KLHL6: variants seen among roughly 807,000 people sequenced by gnomAD.
KLHL6 encodes kelch-like protein 6.
Under a neutral mutation model 58.6 loss-of-function variants are expected in KLHL6, and 41 were observed. That is an observed-to-expected ratio of 0.70 (90% CI 0.55 to 0.91). KLHL6 has a LOEUF of 0.91. Ranked by LOEUF, KLHL6 falls within the 40% of genes least tolerant of loss-of-function variation. The pLI, the probability that KLHL6 is intolerant of heterozygous loss-of-function variation, is 0.00. For synonymous variants in KLHL6, 338 were observed against 322.7 expected, an observed-to-expected ratio of 1.05 and a Z score of -0.51; for missense variants, 714 against 805.6, an observed-to-expected ratio of 0.89 and a Z score of 1.38.
At position 183,499,406 on chromosome 3, in the gene KLHL6, T is replaced by C. The variant is rs1174384448; in HGVS notation, c.1147+184A>G. On this transcript the variant is annotated intron_variant, in intron 4 of 6. Coordinates refer to ENST00000341319, the MANE Select transcript of KLHL6 (RefSeq NM_130446.4). The surrounding 1 kb of genome is among the most constrained non-coding windows in gnomAD (Gnocchi z 4.6). Reference sequence around the variant, plus strand: ...GTACAATGTTGCTCAGTTTTTTGTTTATTAAGTAGCAATGTACTCTCCAAG... The same window carrying C: ...GTACAATGTTGCTCAGTTTTTTGTTCATTAAGTAGCAATGTACTCTCCAAG... Among the ~76,000 whole-genome samples the C allele has an allele frequency of 3.9e-5, 6 of 152,154 alleles. No homozygotes were observed. The highest frequency in any genetic ancestry group is 8.8e-5 in the Non-Finnish European group (6 of 68,020).
At chr3:183,493,178 G>A in intron 5 of KLHL6, 1 of 185,530 alleles carries the variant, frequency 5.4e-6, no homozygotes, top group Non-Finnish European at 1.1e-5. Flanking sequence ...CCATTATGGG[G>A]CAGCATTGAG....
At chr3:183,542,640 C>G (rs569670792) in intron 1 of KLHL6, among the ~76,000 whole-genome samples, 96 of 152,304 alleles carry the variant, frequency 6.3e-4, no homozygotes, top group Non-Finnish European at 1.2e-3. Context: ...TAGCAAACCT[C>G]TCACAGCCCC....
At position 183,492,138 on chromosome 3, in the gene KLHL6, C is replaced by G; in HGVS notation, c.1655G>C (p.Gly552Ala). Residue 552 changes from glycine (G) to alanine (A), a missense_variant, in exon 7 of 7, where the codon GGT (glycine) becomes GCT (alanine). Gly to Ala is a moderately conservative substitution (Grantham distance 60). This residue lies in a region of KLHL6 where 510 missense variants were observed against 629.7 expected (regional missense o/e 0.81). Transcript: ENST00000341319. The surrounding 1 kb of genome is among the most constrained non-coding windows in gnomAD (Gnocchi z 5.9). ...GAGCCGGTTGTTGCAGGGCGCGATA[C>G]CGCAGCTGGCCCGCTCGTGGCTGAG... Reference protein sequence around the residue: ...TQLSHERASCGIAPCNNRLYI... With the variant: ...TQLSHERASCAIAPCNNRLYI... 1 of 1,613,670 alleles carries G rather than the reference C, an allele frequency of 6.2e-7. No homozygotes were observed. Among genetic ancestry groups the G allele is most frequent in the Non-Finnish European group, 8.5e-7 (1 of 1,180,020 alleles).
chr3:183,491,925 C>A lies in KLHL6; in HGVS notation c.*2G>T. 6.8e-7 allele frequency: 1 copy of A among 1,473,024 alleles called. No homozygotes were observed. The highest frequency in any genetic ancestry group is 9.0e-7 in the Non-Finnish European group (1 of 1,108,076). The allele number at this position is 1,473,024 out of a possible 1,614,324, so 91.2% of individuals were successfully genotyped here. A position where few individuals can be genotyped will look rare whatever the true frequency, so the allele number is the denominator to read the frequency against. ...GGGGCTCTCCAGCTCCCCATCCTGC[C>A]GTCAGACAGACACTGCTCCGGGCAC... On this transcript the variant is annotated 3_prime_UTR_variant, in exon 7 of 7. Transcript: ENST00000341319.
rs575722743 is a variant in KLHL6, at chr3:183,490,262, C to T, written c.*1665G>A. On this transcript the variant is annotated 3_prime_UTR_variant, in exon 7 of 7. Transcript: ENST00000341319. ...CTTCAGGAGGATGGGGTATCAGGAA[C>T]GTGGACCTAAATCACTGTGTAAAAA... 15 of 152,312 alleles carry T rather than the reference C, an allele frequency of 9.8e-5. No individual in the cohort carries two copies. In the East Asian group the frequency reaches 1.5e-3, roughly 16 times the overall value. The allele number at this position is 152,312 out of a possible 1,614,324, so 9.4% of individuals were successfully genotyped here.
At chr3:183,543,152 T>C (rs1341768299) in intron 1 of KLHL6, among the ~76,000 whole-genome samples, 1 of 152,042 alleles carries the variant, frequency 6.6e-6, no homozygotes, top group Non-Finnish European at 1.5e-5. Flanking sequence ...AACTATCTTG[T>C]TGTGTTGACC....
intron 1 of KLHL6, among the ~76,000 whole-genome samples, chr3:183,547,942 AAGCTGAAAATGAGGAGG>A (rs1402931264): frequency 6.6e-6 from 1 of 152,126 alleles, no homozygotes; most frequent in Non-Finnish European, 1.5e-5. Context: ...TAGGCTACAT[AAGCTGAAAATGAGGAGG>A]AAATGTAAAA....
chr3:183,547,078 ATT>A (rs1187059491), intron 1 of KLHL6, among the ~76,000 whole-genome samples: 4 of 152,042 alleles, frequency 2.6e-5, no homozygotes, highest in Admixed American at 1.3e-4. Flanking sequence ...TGCCTGGCTA[ATT>A]TTTATATTTT....
chr3:183,533,927 G>A (rs770605736), intron 1 of KLHL6, among the ~76,000 whole-genome samples: 3 of 151,474 alleles, frequency 2.0e-5, no homozygotes, highest in Admixed American at 1.3e-4. Flanking sequence ...GAATTCCGGG[G>A]CCTCTGTAAA....
chr3:183,491,834 C>CACTT lies in KLHL6; in HGVS notation c.*92_*93insAAGT. The CACTT allele has an allele frequency of 8.4e-7, 1 of 1,191,004 alleles. No individual in the cohort carries two copies. Among genetic ancestry groups the CACTT allele is most frequent in the South Asian group, 2.0e-5 (1 of 50,060 alleles). The allele number at this position is 1,191,004 out of a possible 1,614,324, so 73.8% of individuals were successfully genotyped here. On this transcript the variant is annotated 3_prime_UTR_variant, in exon 7 of 7. Coordinates refer to ENST00000341319, the MANE Select transcript of KLHL6 (RefSeq NM_130446.4). ...ATCCCCTGATGTATGGCCTCAAACT[C>CACTT]GAGCCTGCTGCCTGAAGTGGGACTG...
chr3:183,544,930 G>C (rs1024039700), intron 1 of KLHL6: 1 of 152,208 alleles, frequency 6.6e-6, no homozygotes, highest in Non-Finnish European at 1.5e-5. Flanking sequence ...GTCTTTCCCA[G>C]GGGTTTTTCA....
In KLHL6 at chr3:183,491,996, G is replaced by A; in HGVS notation, c.1797C>T (p.His599=). The change falls in exon 7 of 7, where the codon CAC becomes CAT. Residue 599 remains histidine (H), a synonymous_variant. Coordinates refer to ENST00000341319, the MANE Select transcript of KLHL6 (RefSeq NM_130446.4). ...ACGACTTCCTGATGGTGACGCTGCC[G>A]TGGTGCGACACGCCCCGGGGCAGGA... ...ECVLPRGVSH[H]GSVTIRKSYT... is the part of the protein sequence containing the mutation. 2 of 1,595,178 alleles carry A rather than the reference G, an allele frequency of 1.3e-6. No individual in the cohort carries two copies. Among genetic ancestry groups the A allele is most frequent in the East Asian group, 2.3e-5 (1 of 44,212 alleles).
At chr3:183,534,944 A>ATTTT (rs1443620974) in intron 1 of KLHL6, among the ~76,000 whole-genome samples, 62 of 113,254 alleles carry the variant, frequency 5.5e-4, no homozygotes, top group African/African-American at 2.5e-3. Context: ...ATATATATAT[A>ATTTT]TATATATTTT....
chr3:183,534,073 C>CCTTTAAAAGTA (rs372682165), intron 1 of KLHL6, among the ~76,000 whole-genome samples: 4 of 38,854 alleles, frequency 1.0e-4, no homozygotes, highest in South Asian at 1.1e-3. Flanking sequence ...TAATCACCAG[C>CCTTTAAAAGTA]CTTTAAAAGT....
Position 183,492,781 on chromosome 3 carries a change from A to G in KLHL6, c.1351-74T>C. The G allele has an allele frequency of 7.2e-7, 1 of 1,387,658 alleles. No homozygotes were observed. The highest frequency in any genetic ancestry group is 1.0e-6 in the Non-Finnish European group (1 of 989,104). The allele number at this position is 1,387,658 out of a possible 1,614,324, so 86.0% of individuals were successfully genotyped here. A position where few individuals can be genotyped will look rare whatever the true frequency, so the allele number is the denominator to read the frequency against. On this transcript the variant is annotated intron_variant, in intron 5 of 6. Coordinates refer to ENST00000341319, the MANE Select transcript of KLHL6 (RefSeq NM_130446.4). This position sits in a 1 kb window ranked among gnomAD's most constrained non-coding sequence, Gnocchi z 5.9. ...ATTGCTGCAGTAGCTCCCAGGATAC[A>G]GGACAGAGCTCCGGGACACAGAACT...
intron 2 of KLHL6, among the ~76,000 whole-genome samples, chr3:183,524,874 A>G (rs1447226895): frequency 6.6e-6 from 1 of 152,244 alleles, no homozygotes. Context: ...ATAAAATGCC[A>G]TCACTGGCAC....
chr3:183,503,284 G>A (rs1376650690), intron 3 of KLHL6, among the ~76,000 whole-genome samples: 1 of 152,212 alleles, frequency 6.6e-6, no homozygotes, highest in Non-Finnish European at 1.5e-5. Flanking sequence ...ACATGTCAGA[G>A]TAATGTTTGG....
chr3:183,507,556 C>T (rs553479492), intron 3 of KLHL6, among the ~76,000 whole-genome samples: 24 of 152,050 alleles, frequency 1.6e-4, no homozygotes, highest in African/African-American at 5.8e-4. Flanking sequence ...CTCAGCCTCC[C>T]GAGTAGCTGA....
At chr3:183,515,329 A>C (rs1015881062) in intron 2 of KLHL6, among the ~76,000 whole-genome samples, 3 of 152,156 alleles carry the variant, frequency 2.0e-5, no homozygotes, top group Non-Finnish European at 4.4e-5. Flanking sequence ...AGGAGAATCA[A>C]TTGAGCCCAG....
Sources: allele counts gnomAD v4.1 joint callset (sites outside exome capture counted in the v4.1 genomes callset), GRCh38; gene constraint gnomAD v4.1.1; regional missense constraint gnomAD v4.1.1; non-coding constraint Gnocchi (gnomAD v3.1); transcripts MANE v1.5; gene names NCBI Gene and HGNC (gene_info 2026-07-23, HGNC 2026-07-21).